The following LRRC1 variants were observed in gnomAD, a reference collection of about 807,000 sequenced individuals.
LRRC1 encodes the protein leucine-rich repeat-containing protein 1.
A neutral mutation model predicts 69.9 loss-of-function variants in LRRC1; 28 were observed. The observed-to-expected ratio is 0.40, with a 90% CI of 0.30 to 0.55. LRRC1 has a LOEUF of 0.55. LRRC1 is among the 20% of genes least tolerant of loss of function. LRRC1 has a pLI of 0.47. For synonymous variants in LRRC1, 236 were observed against 240.2 expected, an observed-to-expected ratio of 0.98 and a Z score of 0.16; for missense variants, 498 against 609.0, an observed-to-expected ratio of 0.82 and a Z score of 1.92.
intron 2 of LRRC1, among the ~76,000 whole-genome samples, chr6:53,875,482 C>G (rs983551055): frequency 6.7e-6 from 1 of 149,680 alleles, no homozygotes. Flanking sequence ...GTGTGTGTGA[C>G]AAGTAAAAAA....
At chr6:53,892,626 T>C (rs1767741516) in intron 4 of LRRC1, among the ~76,000 whole-genome samples, 1 of 152,246 alleles carries the variant, frequency 6.6e-6, no homozygotes, top group African/African-American at 2.4e-5. Flanking sequence ...TGATTGAAGA[T>C]ACTGTATTCT....
intron 1 of LRRC1, among the ~76,000 whole-genome samples, chr6:53,805,768 T>A (rs1191310869): frequency 6.6e-6 from 1 of 152,208 alleles, no homozygotes; most frequent in South Asian, 2.1e-4. Context: ...ACTTTTGTGG[T>A]AGAGGCCCAC....
At chr6:53,887,600 G>A (rs1767530812) in intron 4 of LRRC1, among the ~76,000 whole-genome samples, 1 of 152,018 alleles carries the variant, frequency 6.6e-6, no homozygotes, top group Non-Finnish European at 1.5e-5. Context: ...ATCTGCCCAG[G>A]TGTGCATTGC....
chr6:53,866,206 A>C (rs1181560111), intron 2 of LRRC1, among the ~76,000 whole-genome samples: 1 of 152,084 alleles, frequency 6.6e-6, no homozygotes. Flanking sequence ...CCCTTCTTAT[A>C]ATCCTGTACA....
chr6:53,818,444 A>G (rs565862815), intron 1 of LRRC1, among the ~76,000 whole-genome samples: 9 of 152,252 alleles, frequency 5.9e-5, no homozygotes, highest in Non-Finnish European at 1.2e-4. Flanking sequence ...ATGCCTGTCA[A>G]TGAAATTGTT....
intron 7 of LRRC1, among the ~76,000 whole-genome samples, chr6:53,897,801 CA>C: frequency 6.6e-6 from 1 of 152,176 alleles, no homozygotes; most frequent in Admixed American, 6.5e-5. Context: ...AGATTTTTTC[CA>C]AATGTTGCTT....
At chr6:53,857,170 C>T (rs1031123267) in intron 2 of LRRC1, among the ~76,000 whole-genome samples, 8 of 151,976 alleles carry the variant, frequency 5.3e-5, no homozygotes, top group Non-Finnish European at 7.4e-5. Flanking sequence ...ATCCATCTGT[C>T]GGTGATGGTT....
intron 1 of LRRC1, among the ~76,000 whole-genome samples, chr6:53,829,132 C>T (rs929697181): frequency 6.6e-6 from 1 of 152,168 alleles, no homozygotes; most frequent in Non-Finnish European, 1.5e-5. Context: ...CACAGTGCAC[C>T]TTCTTTGCCT....
chr6:53,910,870 G>T (rs1429238112), intron 10 of LRRC1, among the ~76,000 whole-genome samples: 1 of 152,188 alleles, frequency 6.6e-6, no homozygotes, highest in Non-Finnish European at 1.5e-5. Context: ...TCAGTTATGG[G>T]TTTGAATGCT....
At chr6:53,899,241 T>C (rs1367505310) in intron 7 of LRRC1, among the ~76,000 whole-genome samples, 1 of 152,210 alleles carries the variant, frequency 6.6e-6, no homozygotes, top group African/African-American at 2.4e-5. Flanking sequence ...AAGATACAGA[T>C]AGGTATGTAT....
At chr6:53,856,601 G>C (rs144114130) in intron 2 of LRRC1, among the ~76,000 whole-genome samples, 1 of 152,348 alleles carries the variant, frequency 6.6e-6, no homozygotes, top group African/African-American at 2.4e-5. Flanking sequence ...GTTTGAAATA[G>C]CATGATGAAT....
chr6:53,899,642 C>A, intron 7 of LRRC1, 105 bp from the exon 8 acceptor site: 2 of 1,127,440 alleles, frequency 1.8e-6, no homozygotes, highest in Non-Finnish European at 2.5e-6. Context: ...AAGATAACAT[C>A]CTTAGGACCG....
intron 2 of LRRC1, among the ~76,000 whole-genome samples, chr6:53,873,289 C>CTTTTTT (rs57201410): frequency 1.5e-5 from 2 of 136,808 alleles, no homozygotes; most frequent in Non-Finnish European, 1.6e-5. Context: ...ACCGATTTTT[C>CTTTTTT]TTTTTTTTTT....
At chr6:53,826,272 T>C (rs1765255117) in intron 1 of LRRC1, among the ~76,000 whole-genome samples, 2 of 151,868 alleles carry the variant, frequency 1.3e-5, no homozygotes, top group African/African-American at 4.8e-5. Context: ...GAATTTTTAA[T>C]TTTAACCCAA....
intron 4 of LRRC1, among the ~76,000 whole-genome samples, chr6:53,894,161 A>C (rs1767793772): frequency 6.6e-6 from 1 of 152,212 alleles, no homozygotes; most frequent in Non-Finnish European, 1.5e-5. Flanking sequence ...GAGCTTTGGC[A>C]TTTGGCCAGG....
At chr6:53,850,512 G>A (rs1766091044) in intron 2 of LRRC1, among the ~76,000 whole-genome samples, 1 of 152,096 alleles carries the variant, frequency 6.6e-6, no homozygotes, top group Non-Finnish European at 1.5e-5. Context: ...AAAATTTTAA[G>A]GTTCATCAAA....
At chr6:53,912,992 C>T (rs1328415301) in intron 10 of LRRC1, among the ~76,000 whole-genome samples, 2 of 152,132 alleles carry the variant, frequency 1.3e-5, no homozygotes, top group African/African-American at 4.8e-5. Context: ...ATTCAGTTTT[C>T]CTGACTGTAA....
chr6:53,839,452 T>C (rs1043579293), intron 1 of LRRC1, among the ~76,000 whole-genome samples: 1 of 152,204 alleles, frequency 6.6e-6, no homozygotes, highest in Admixed American at 6.6e-5. Context: ...CAGAGTAATG[T>C]ATGCAAATAG....
At chr6:53,837,487 A>G (rs1022569357) in intron 1 of LRRC1, among the ~76,000 whole-genome samples, 1 of 152,146 alleles carries the variant, frequency 6.6e-6, no homozygotes, top group Non-Finnish European at 1.5e-5. Context: ...GATAGGTTAG[A>G]ATGTCTCTGG....
Sources: gnomAD v4.1 joint callset for allele counts (sites outside exome capture counted in the v4.1 genomes callset) on GRCh38, gnomAD v4.1.1 for gene constraint, MANE v1.5 for transcripts, NCBI Gene and HGNC (gene_info 2026-07-23, HGNC 2026-07-21) for gene names.